The following SHISA9 variants were observed in gnomAD, a reference collection of about 807,000 sequenced individuals.
SHISA9 encodes the protein shisa family member 9, also known as protein shisa-9.
A neutral mutation model predicts 38.0 loss-of-function variants in SHISA9; 13 were observed. The observed-to-expected ratio is 0.34, with a 90% CI of 0.22 to 0.54. SHISA9 has a LOEUF of 0.54. SHISA9 is among the 20% of genes least tolerant of loss of function. SHISA9 has a pLI of 0.91. For synonymous variants in SHISA9, 275 were observed against 242.0 expected, an observed-to-expected ratio of 1.14 and a Z score of -1.27; for missense variants, 538 against 575.8, an observed-to-expected ratio of 0.93 and a Z score of 0.67.
At chr16:13,450,427 C>T in the SHISA9 span, among the ~76,000 whole-genome samples, 1,336 of 152,340 alleles carry the variant, frequency 8.8e-3, 18 homozygotes, top group African/African-American at 0.031. Flanking sequence ...TTCTTCAAAG[C>T]ATAAGTAACT....
chr16:13,340,151 G>T, the SHISA9 span, among the ~76,000 whole-genome samples: 2 of 152,130 alleles, frequency 1.3e-5, no homozygotes, highest in Non-Finnish European at 2.9e-5. Context: ...TTGACAGCAT[G>T]GTATACCAGC....
At chr16:13,063,847 G>T (rs1156306333) in intron 2 of SHISA9, among the ~76,000 whole-genome samples, 1 of 152,180 alleles carries the variant, frequency 6.6e-6, no homozygotes, top group Non-Finnish European at 1.5e-5. Context: ...GCAAGGGTTT[G>T]TCCAGAGCCC....
intron 4 of SHISA9, among the ~76,000 whole-genome samples, chr16:13,214,169 T>C (rs1309179907): frequency 1.3e-5 from 2 of 152,170 alleles, no homozygotes; most frequent in Admixed American, 1.3e-4. Flanking sequence ...GAGAAGTAAC[T>C]GACCTAAGGA....
the SHISA9 span, among the ~76,000 whole-genome samples, chr16:13,421,897 C>T: frequency 2.0e-5 from 3 of 152,192 alleles, no homozygotes; most frequent in Non-Finnish European, 4.4e-5. Context: ...AATGTCTGAT[C>T]AGCAGGATGT....
At chr16:13,067,687 A>C (rs1053444273) in intron 2 of SHISA9, among the ~76,000 whole-genome samples, 3 of 152,216 alleles carry the variant, frequency 2.0e-5, no homozygotes, top group Non-Finnish European at 4.4e-5. Context: ...TCTTCAGGGG[A>C]GAGTGTAACT....
At chr16:12,960,674 C>A (rs1001008857) in intron 2 of SHISA9, among the ~76,000 whole-genome samples, 3 of 152,138 alleles carry the variant, frequency 2.0e-5, no homozygotes, top group Non-Finnish European at 4.4e-5. Context: ...GAACAGAAAA[C>A]CGCACATCAT....
chr16:12,941,834 G>A (rs1301255844), intron 2 of SHISA9, among the ~76,000 whole-genome samples: 1 of 152,200 alleles, frequency 6.6e-6, no homozygotes, highest in Admixed American at 6.5e-5. Context: ...CTTGGTGACA[G>A]AGCAAGACTC....
At chr16:13,006,381 G>A (rs1248046697) in intron 2 of SHISA9, among the ~76,000 whole-genome samples, 8 of 152,186 alleles carry the variant, frequency 5.3e-5, no homozygotes, top group East Asian at 3.9e-4. Flanking sequence ...ACTGCCACCC[G>A]TCAACATATC....
chr16:13,029,785 C>T (rs1336033841), intron 2 of SHISA9, among the ~76,000 whole-genome samples: 1 of 152,210 alleles, frequency 6.6e-6, no homozygotes, highest in Admixed American at 6.5e-5. Flanking sequence ...ACCTCTCACC[C>T]TCCAGAATTA....
the SHISA9 span, among the ~76,000 whole-genome samples, chr16:13,326,388 G>A: frequency 6.6e-6 from 1 of 152,192 alleles, no homozygotes; most frequent in Non-Finnish European, 1.5e-5. Context: ...ATAAATGAAG[G>A]TCAGTGGTTT....
At chr16:13,294,650 G>A in the SHISA9 span, among the ~76,000 whole-genome samples, 1 of 152,168 alleles carries the variant, frequency 6.6e-6, no homozygotes. Flanking sequence ...AGATCTCCAA[G>A]GTGTTACCCA....
intron 2 of SHISA9, among the ~76,000 whole-genome samples, chr16:13,101,014 A>T (rs2073873898): frequency 6.6e-6 from 1 of 152,230 alleles, no homozygotes; most frequent in Middle Eastern, 3.4e-3. Context: ...GCTATTTTAG[A>T]TTCCATATCT....
At chr16:12,992,066 ATAAG>A (rs2072393901) in intron 2 of SHISA9, among the ~76,000 whole-genome samples, 1 of 152,236 alleles carries the variant, frequency 6.6e-6, no homozygotes, top group Non-Finnish European at 1.5e-5. Context: ...AAAATATGAA[ATAAG>A]TAATAGTATG....
At chr16:13,112,340 A>G (rs1000433068) in intron 2 of SHISA9, among the ~76,000 whole-genome samples, 8 of 152,136 alleles carry the variant, frequency 5.3e-5, no homozygotes, top group Non-Finnish European at 1.2e-4. Flanking sequence ...GCAAGAAAAA[A>G]GGAAGAAAGA....
At chr16:13,265,817 CT>C in the SHISA9 span, among the ~76,000 whole-genome samples, 2 of 84,598 alleles carry the variant, frequency 2.4e-5, no homozygotes, top group African/African-American at 1.1e-4. Context: ...CAAAAGATAA[CT>C]GGAAAAAAAA....
At chr16:12,932,974 G>C (rs1208453989) in intron 2 of SHISA9, among the ~76,000 whole-genome samples, 1 of 152,050 alleles carries the variant, frequency 6.6e-6, no homozygotes, top group Non-Finnish European at 1.5e-5. Flanking sequence ...TATAATAAAA[G>C]TCCCTCAAAG....
chr16:13,215,473 A>G (rs978766328), intron 4 of SHISA9, among the ~76,000 whole-genome samples: 1 of 152,182 alleles, frequency 6.6e-6, no homozygotes, highest in Non-Finnish European at 1.5e-5. Flanking sequence ...TAGAAATGCA[A>G]ACAATTTGGA....
intron 2 of SHISA9, among the ~76,000 whole-genome samples, chr16:13,146,577 T>G (rs2050449251): frequency 6.6e-6 from 1 of 152,256 alleles, no homozygotes; most frequent in Non-Finnish European, 1.5e-5. Flanking sequence ...TATTGTTGTC[T>G]GTAGTCTAGG....
intron 2 of SHISA9, among the ~76,000 whole-genome samples, chr16:13,097,177 G>C (rs1321517938): frequency 6.6e-6 from 1 of 152,104 alleles, no homozygotes; most frequent in Non-Finnish European, 1.5e-5. Flanking sequence ...ACCCCACAAT[G>C]GTCCTTGGAG....
Sources: gnomAD v4.1 joint callset for allele counts (sites outside exome capture counted in the v4.1 genomes callset) on GRCh38, gnomAD v4.1.1 for gene constraint, MANE v1.5 for transcripts, NCBI Gene and HGNC (gene_info 2026-07-23, HGNC 2026-07-21) for gene names.